The following GSG1L variants were observed in gnomAD, a reference collection of about 807,000 sequenced individuals.
GSG1L encodes the protein germ cell-specific gene 1-like protein.
Under a neutral mutation model 42.1 loss-of-function variants are expected in GSG1L, and 24 were observed. The ratio of observed to expected loss-of-function variants is 0.57; its 90% CI spans 0.41 to 0.80. GSG1L has a LOEUF of 0.80. Ranked by LOEUF, GSG1L falls within the 30% of genes least tolerant of loss-of-function variation. GSG1L has a pLI of 0.00. For synonymous variants in GSG1L, 215 were observed against 203.5 expected (o/e 1.06, Z -0.48); for missense variants, 445 against 472.2 (o/e 0.94, Z 0.53).
At chr16:27,962,662 C>T (rs906130715) in intron 2 of GSG1L, among the ~76,000 whole-genome samples, 1 of 152,200 alleles carries the variant, frequency 6.6e-6, no homozygotes, top group South Asian at 2.1e-4. Flanking sequence ...CACCTCTGGA[C>T]ATCTCTGTGG....
In GSG1L at chr16:27,839,480, G is replaced by T. The variant is rs558656821; in HGVS notation, c.662+5470C>A. 4.6e-5 allele frequency among the ~76,000 whole-genome samples: 7 copies of T among 152,338 alleles called. No individual in the cohort carries two copies. The East Asian group carries it at 9.7e-4, about 21-fold the overall frequency. ...GCAAAACAGAAGCAGAAAGCGCAAG[G>T]CTAGCTTTCCACACTCCTGCTGTCA... On this transcript the variant is annotated intron_variant, in intron 4 of 6. Coordinates refer to ENST00000447459, the MANE Select transcript of GSG1L (RefSeq NM_001109763.2).
intron 4 of GSG1L, among the ~76,000 whole-genome samples, chr16:27,837,343 G>T (rs13380445): frequency 0.026 from 3,917 of 151,930 alleles, 186 homozygotes; most frequent in African/African-American, 0.089. Context: ...GGGATTATGG[G>T]GATTACAATT....
chr16:27,819,708 A>T (rs1011829710), intron 5 of GSG1L, among the ~76,000 whole-genome samples: 1 of 151,980 alleles, frequency 6.6e-6, no homozygotes, highest in African/African-American at 2.4e-5. Flanking sequence ...ACACGGTGGG[A>T]CTCTGAAGTT....
chr16:27,839,475 G>T (rs538861859), intron 4 of GSG1L, among the ~76,000 whole-genome samples: 1 of 152,174 alleles, frequency 6.6e-6, no homozygotes, highest in Non-Finnish European at 1.5e-5. Context: ...AGCAGAAAGC[G>T]CAAGGCTAGC....
chr16:27,904,925 G>A (rs909319016), intron 2 of GSG1L, among the ~76,000 whole-genome samples: 3 of 152,202 alleles, frequency 2.0e-5, no homozygotes, highest in East Asian at 1.9e-4. Flanking sequence ...AGCCACAGCC[G>A]CAGCCGACAG....
chr16:27,971,039 G>C (rs543085830), intron 1 of GSG1L, among the ~76,000 whole-genome samples: 46 of 152,246 alleles, frequency 3.0e-4, no homozygotes, highest in African/African-American at 1.1e-3. Flanking sequence ...ACACTATCTT[G>C]ATTACTGTAG....
At chr16:28,041,992 A>T (rs1361947841) in intron 1 of GSG1L, among the ~76,000 whole-genome samples, 1 of 152,232 alleles carries the variant, frequency 6.6e-6, no homozygotes, top group Non-Finnish European at 1.5e-5. Flanking sequence ...AAACGTGGGA[A>T]TAGTGCATGG....
In GSG1L at chr16:27,838,954, C is replaced by T. The variant is rs554134519; in HGVS notation, c.662+5996G>A. Reference sequence around the variant, plus strand: ...GGCAGACTTCCTGCTGATCACACAGCCTCTCAGCAGAGACATCAGCACACA... The same window carrying T: ...GGCAGACTTCCTGCTGATCACACAGTCTCTCAGCAGAGACATCAGCACACA... On this transcript the variant is annotated intron_variant, in intron 4 of 6. Transcript: ENST00000447459. Among the ~76,000 whole-genome samples, 181 of 152,320 alleles carry T rather than the reference C, an allele frequency of 1.2e-3. 1 individual carries two copies. The highest frequency in any genetic ancestry group is 4.2e-3 in the African/African-American group (175 of 41,584).
chr16:27,949,553 G>C (rs985875571), intron 2 of GSG1L, among the ~76,000 whole-genome samples: 1 of 152,160 alleles, frequency 6.6e-6, no homozygotes, highest in Non-Finnish European at 1.5e-5. Context: ...CCAGAAGTTC[G>C]AGGTTACAGT....
Position 28,063,043 on chromosome 16 carries a change from G to C in GSG1L, c.349+33C>G. On this transcript the variant is annotated intron_variant, in intron 1 of 6. Coordinates refer to ENST00000447459, the MANE Select transcript of GSG1L (RefSeq NM_001109763.2). This position sits in a 1 kb window ranked among gnomAD's most constrained non-coding sequence, Gnocchi z 5.8. ...TGGCCGCGCCGCCCCGGGGGAGCCGGAGCCGAGCTGGCCGCCGCCCGCGCG... is the reference window on the plus strand; with the variant it reads ...TGGCCGCGCCGCCCCGGGGGAGCCGCAGCCGAGCTGGCCGCCGCCCGCGCG... 2 of 1,381,526 alleles carry C rather than the reference G, an allele frequency of 1.4e-6. No individual in the cohort carries two copies. The highest frequency in any genetic ancestry group is 1.9e-6 in the Non-Finnish European group (2 of 1,062,244). 85.6% of individuals were successfully genotyped at this position (1,381,526 alleles called of 1,614,324 possible). A position where few individuals can be genotyped will look rare whatever the true frequency, so the allele number is the denominator to read the frequency against.
At chr16:27,892,670 A>G (rs1415709939) in intron 2 of GSG1L, among the ~76,000 whole-genome samples, 1 of 151,730 alleles carries the variant, frequency 6.6e-6, no homozygotes, top group African/African-American at 2.4e-5. Flanking sequence ...TGTGCCTGTG[A>G]TCTCAGCTAC....
At chr16:27,821,736 T>TA (rs1219169657) in intron 5 of GSG1L, among the ~76,000 whole-genome samples, 1 of 151,358 alleles carries the variant, frequency 6.6e-6, no homozygotes, top group Non-Finnish European at 1.5e-5. Flanking sequence ...CCGTCTCTAC[T>TA]AAAAAAATAC....
At chr16:27,946,567 AAGAAAGAAAGAAAGAG>A (rs1567529661) in intron 2 of GSG1L, among the ~76,000 whole-genome samples, 6 of 9,864 alleles carry the variant, frequency 6.1e-4, no homozygotes, top group Middle Eastern at 0.05. Context: ...GAAAGAAAGA[AAGAAAGAAAGAAAGAG>A]AGAGAGAGAG....
intron 1 of GSG1L, among the ~76,000 whole-genome samples, chr16:28,030,857 CTGGGA>C (rs1156452839): frequency 6.0e-5 from 5 of 84,008 alleles, no homozygotes; most frequent in African/African-American, 9.8e-5. Flanking sequence ...ATTGGATAGA[CTGGGA>C]TGGGATGGGA....
intron 1 of GSG1L, among the ~76,000 whole-genome samples, chr16:27,972,975 G>T (rs62031260): frequency 0.2 from 29,768 of 152,160 alleles, 3,378 homozygotes; most frequent in Non-Finnish European, 0.26. Context: ...AGTGGTCAGG[G>T]GTCTGACTTC....
At chr16:27,800,435 C>T (rs2082868432) in intron 6 of GSG1L, among the ~76,000 whole-genome samples, 1 of 152,208 alleles carries the variant, frequency 6.6e-6, no homozygotes, top group Non-Finnish European at 1.5e-5. Flanking sequence ...AAATCAAAAC[C>T]TTGTCTCAGG....
chr16:28,062,034 C>CAT (rs2086347506), intron 1 of GSG1L, among the ~76,000 whole-genome samples: 1 of 152,208 alleles, frequency 6.6e-6, no homozygotes, highest in Admixed American at 6.5e-5. Flanking sequence ...TGAGCACACA[C>CAT]ATATGTGTGG....
intron 5 of GSG1L, 96 bp from the exon 6 acceptor site, chr16:27,807,650 C>T (rs907952546): frequency 4.0e-6 from 4 of 1,007,196 alleles, no homozygotes; most frequent in East Asian, 2.6e-5. Context: ...ATCTTCCCCC[C>T]TCTGGAGAAT....
chr16:27,953,652 G>A (rs990206843), intron 2 of GSG1L, among the ~76,000 whole-genome samples: 2 of 152,160 alleles, frequency 1.3e-5, no homozygotes, highest in East Asian at 1.9e-4. Flanking sequence ...GCCAAGGTGG[G>A]CAGATCACTT....
Sources: gnomAD v4.1 joint callset for allele counts (sites outside exome capture counted in the v4.1 genomes callset) on GRCh38, gnomAD v4.1.1 for gene constraint, Gnocchi (gnomAD v3.1) non-coding constraint, MANE v1.5 for transcripts, NCBI Gene and HGNC (gene_info 2026-07-23, HGNC 2026-07-21) for gene names.